Variants in ARID4A observed in about 807,000 individuals in gnomAD.
ARID4A encodes the protein AT-rich interactive domain-containing protein 4A.
A neutral mutation model predicts 148.6 loss-of-function variants in ARID4A; 39 were observed. The observed-to-expected ratio is 0.26, with a 90% CI of 0.20 to 0.34. The LOEUF (loss-of-function observed/expected upper bound fraction) is 0.34. Ranked by LOEUF, ARID4A falls within the 10% of genes least tolerant of loss-of-function variation. The pLI, the probability that ARID4A is intolerant of heterozygous loss-of-function variation, is 1.00. For missense variants in ARID4A, 1,265 were observed against 1,449.1 expected (o/e 0.87, Z 2.06); for synonymous variants, 475 against 481.2 (o/e 0.99, Z 0.17).
chr14:58,300,124 C>G (rs1051643000), intron 2 of ARID4A, among the ~76,000 whole-genome samples: 1 of 152,176 alleles, frequency 6.6e-6, no homozygotes, highest in East Asian at 1.9e-4. Context: ...TTAAACACTT[C>G]CTGTGTTGGC....
chr14:58,370,646 C>A (rs1319795517), intron 23 of ARID4A, among the ~76,000 whole-genome samples: 2 of 151,194 alleles, frequency 1.3e-5, no homozygotes, highest in African/African-American at 4.9e-5. Flanking sequence ...GGTACAGGCT[C>A]TGGCACCCAG....
intron 11 of ARID4A, among the ~76,000 whole-genome samples, chr14:58,336,822 G>T (rs936658606): frequency 6.6e-6 from 1 of 151,902 alleles, no homozygotes. Flanking sequence ...AGAAAAGAGA[G>T]ATTATGAAGG....
rs1329231264 is a variant in ARID4A at position 58,364,601 on chromosome 14, T to C, written c.2512T>C (p.Phe838Leu). The change falls in exon 20 of 24, where the codon TTT becomes CTT. Residue 838 changes from phenylalanine to leucine, a missense_variant. Around this residue, in one of 9 missense-constraint regions of ARID4A, gnomAD observed 666 missense variants for 730.9 expected, o/e 0.91. Coordinates refer to ENST00000355431, the MANE Select transcript of ARID4A (RefSeq NM_002892.4). ...LELSSLDNKNFSSATEDEIDQ... is the reference protein window; with the variant it reads ...LELSSLDNKNLSSATEDEIDQ... The stretch of plus-strand genomic sequence containing the variant: ...ATTGTCTTCATTAGACAATAAAAAC[T>C]TTTCTTCTGCTACAGAAGATGAAAT... 1 of 1,613,322 alleles carries C rather than the reference T, an allele frequency of 6.2e-7. No homozygotes were observed. Among genetic ancestry groups the C allele is most frequent in the Admixed American group, 1.7e-5 (1 of 59,868 alleles).
intron 5 of ARID4A, 149 bp from the exon 6 acceptor site, chr14:58,318,393 A>G (rs1222291006): frequency 9.2e-6 from 7 of 759,992 alleles, no homozygotes; most frequent in South Asian, 7.3e-5. Context: ...ATGGCATGGT[A>G]TGCTCATTGT....
intron 4 of ARID4A, among the ~76,000 whole-genome samples, chr14:58,305,694 A>G (rs529768999): frequency 6.6e-6 from 1 of 152,284 alleles, no homozygotes; most frequent in East Asian, 1.9e-4. Flanking sequence ...TCTTGAAGGC[A>G]ATGTGATATA....
intron 18 of ARID4A, among the ~76,000 whole-genome samples, chr14:58,359,495 G>A (rs1420980947): frequency 6.6e-6 from 1 of 152,040 alleles, no homozygotes; most frequent in African/African-American, 2.4e-5. Flanking sequence ...TGTTGGTGTT[G>A]TATATTCTGT....
chr14:58,302,952 C>T (rs1807718640), intron 3 of ARID4A, among the ~76,000 whole-genome samples: 1 of 151,860 alleles, frequency 6.6e-6, no homozygotes, highest in South Asian at 2.1e-4. Flanking sequence ...AGGGCAAGAC[C>T]CTGTCTCAAA....
intron 7 of ARID4A, among the ~76,000 whole-genome samples, chr14:58,322,299 A>G (rs1290357098): frequency 1.3e-5 from 2 of 152,146 alleles, no homozygotes; most frequent in Non-Finnish European, 2.9e-5. Flanking sequence ...TTAGTGTGTA[A>G]TAAGTACTCA....
At chr14:58,321,941 T>G (rs955420140) in intron 7 of ARID4A, among the ~76,000 whole-genome samples, 10 of 116,222 alleles carry the variant, frequency 8.6e-5, no homozygotes, top group Non-Finnish European at 1.6e-4. Context: ...AATTTTCTTT[T>G]TTGTTGTTGT....
At position 58,351,159 on chromosome 14, in the gene ARID4A, T is replaced by C. The variant is rs749640051; in HGVS notation, c.1491T>C (p.Asp497=). 1 of 1,610,220 alleles carries C rather than the reference T, an allele frequency of 6.2e-7. No individual in the cohort carries two copies. The highest frequency in any genetic ancestry group is 8.5e-7 in the Non-Finnish European group (1 of 1,179,014). Residue 497 remains aspartate (D), a synonymous_variant, in exon 16 of 24, where the codon GAT becomes GAC. Transcript: ENST00000355431. ...CAGAAGACAAATTAAAAGATAATGA[T>C]ACAGAAAATAAGGATGTAGATGATG... ...EKTEDKLKDN[D]TENKDVDDDY...
intron 1 of ARID4A, among the ~76,000 whole-genome samples, chr14:58,299,103 A>T (rs1384564766): frequency 6.6e-6 from 1 of 152,138 alleles, no homozygotes; most frequent in African/African-American, 2.4e-5. Flanking sequence ...CAAAAAGTTG[A>T]GGCGGGCGCT....
chr14:58,322,174 T>C (rs1381162038), intron 7 of ARID4A, among the ~76,000 whole-genome samples: 1 of 151,992 alleles, frequency 6.6e-6, no homozygotes, highest in Non-Finnish European at 1.5e-5. Flanking sequence ...TTTGTCATAC[T>C]TGCCAGGCTG....
intron 17 of ARID4A, among the ~76,000 whole-genome samples, chr14:58,358,190 C>G (rs538788270): frequency 2.0e-5 from 3 of 152,022 alleles, no homozygotes; most frequent in African/African-American, 7.2e-5. Flanking sequence ...AAAAAATTGC[C>G]GGGTCCAGTG....
At chr14:58,329,948 A>T in intron 10 of ARID4A, 55 bp from the exon 11 acceptor site, 3 of 1,543,038 alleles carry the variant, frequency 1.9e-6, no homozygotes, top group Non-Finnish European at 2.6e-6. Context: ...TGCCTTTTCT[A>T]TTGTTCTATG....
intron 12 of ARID4A, among the ~76,000 whole-genome samples, chr14:58,345,747 T>G (rs1013845343): frequency 1.3e-5 from 1 of 78,714 alleles, no homozygotes; most frequent in South Asian, 4.9e-4. Flanking sequence ...TTTTTTTTTT[T>G]TGTGACAGAG....
At chr14:58,319,303 G>A (rs1471831348) in intron 7 of ARID4A, among the ~76,000 whole-genome samples, 1 of 151,122 alleles carries the variant, frequency 6.6e-6, no homozygotes, top group South Asian at 2.1e-4. Flanking sequence ...TCCTGACCTC[G>A]TGATCCACCT....
chr14:58,303,426 G>T (rs1184118846), intron 3 of ARID4A: 1 of 433,756 alleles, frequency 2.3e-6, no homozygotes, highest in African/African-American at 2.0e-5. Flanking sequence ...ATTTGATGTG[G>T]TCTTCCAGAT....
At chr14:58,355,665 GTTTTC>G (rs760013900) in intron 17 of ARID4A, among the ~76,000 whole-genome samples, 6 of 152,116 alleles carry the variant, frequency 3.9e-5, no homozygotes, top group African/African-American at 1.4e-4. Context: ...AATGTTAACT[GTTTTC>G]TTTTCTTTAC....
At position 58,373,107 on chromosome 14, in the gene ARID4A, C is replaced by G. The variant is rs1336411040; in HGVS notation, c.*1118C>G. On this transcript the variant is annotated 3_prime_UTR_variant, in exon 24 of 24. Coordinates refer to ENST00000355431, the MANE Select transcript of ARID4A (RefSeq NM_002892.4). ...GTATGTCCTTGTTTAGAAACTTTGG[C>G]AGTCCTAGTATTTAAACTGTTTTGA... The G allele has an allele frequency of 3.0e-5, 6 of 197,958 alleles. No individual in the cohort carries two copies. Among genetic ancestry groups the G allele is most frequent in the African/African-American group, 1.4e-4 (6 of 43,306 alleles). The allele number at this position is 197,958 out of a possible 1,614,324, so 12.3% of individuals were successfully genotyped here.
Sources: gnomAD v4.1 joint callset for allele counts (sites outside exome capture counted in the v4.1 genomes callset) on GRCh38, gnomAD v4.1.1 for gene constraint, gnomAD v4.1.1 regional missense constraint, MANE v1.5 for transcripts, NCBI Gene and HGNC (gene_info 2026-07-23, HGNC 2026-07-21) for gene names.